CPNE8: variants seen among roughly 807,000 people sequenced by gnomAD.
CPNE8 encodes copine-8.
CPNE8 carries 45 observed loss-of-function variants against 81.5 expected under a neutral mutation model. The observed-to-expected ratio is 0.55, with a 90% confidence interval of 0.44 to 0.71. The LOEUF is 0.71. Ranked by LOEUF, CPNE8 falls within the 30% of genes least tolerant of loss-of-function variation. The pLI is 0.00. For missense variants in CPNE8, 594 were observed against 672.1 expected, an observed-to-expected ratio of 0.88 and a Z score of 1.28; for synonymous variants, 252 against 226.3, an observed-to-expected ratio of 1.11 and a Z score of -1.02.
chr12:38,760,232 T>C (rs1244124421), intron 10 of CPNE8, among the ~76,000 whole-genome samples: 1 of 152,002 alleles, frequency 6.6e-6, no homozygotes, highest in Non-Finnish European at 1.5e-5. Flanking sequence ...TGGCTTAAGA[T>C]CATTTTACAA....
chr12:38,808,437 A>C (rs548182137), intron 6 of CPNE8, among the ~76,000 whole-genome samples: 2 of 152,232 alleles, frequency 1.3e-5, no homozygotes, highest in East Asian at 3.9e-4. Context: ...AAAAATGATG[A>C]GTTCATGTCT....
At chr12:38,889,524 A>G (rs907035102) in intron 1 of CPNE8, among the ~76,000 whole-genome samples, 1 of 152,164 alleles carries the variant, frequency 6.6e-6, no homozygotes, top group Non-Finnish European at 1.5e-5. Flanking sequence ...GGACATAGAG[A>G]GAAAGAGATG....
At chr12:38,899,379 C>G (rs1944429222) in intron 1 of CPNE8, among the ~76,000 whole-genome samples, 1 of 152,132 alleles carries the variant, frequency 6.6e-6, no homozygotes, top group Admixed American at 6.6e-5. Context: ...CAGCCTGTAA[C>G]CTGAAAAAAA....
intron 10 of CPNE8, among the ~76,000 whole-genome samples, chr12:38,735,483 T>A (rs1940932389): frequency 6.6e-6 from 1 of 151,974 alleles, no homozygotes; most frequent in South Asian, 2.1e-4. Context: ...GCCATCTTCA[T>A]AGGTCCAGAT....
chr12:38,832,262 G>C (rs766415576), intron 5 of CPNE8, among the ~76,000 whole-genome samples: 52 of 152,088 alleles, frequency 3.4e-4, no homozygotes, highest in African/African-American at 1.2e-3. Flanking sequence ...CACGGGAAAG[G>C]GTGTGTGGCT....
chr12:38,751,326 T>G (rs1404179169), intron 10 of CPNE8, among the ~76,000 whole-genome samples: 1 of 152,220 alleles, frequency 6.6e-6, no homozygotes, highest in Non-Finnish European at 1.5e-5. Flanking sequence ...AATATTCGCC[T>G]TTTTTAAAAA....
At chr12:38,785,368 A>G (rs1942158885) in intron 6 of CPNE8, among the ~76,000 whole-genome samples, 1 of 152,030 alleles carries the variant, frequency 6.6e-6, no homozygotes, top group African/African-American at 2.4e-5. Context: ...AAAAAAAAAA[A>G]ACATGATATG....
At chr12:38,751,021 G>C (rs1225105111) in intron 10 of CPNE8, among the ~76,000 whole-genome samples, 2 of 152,142 alleles carry the variant, frequency 1.3e-5, no homozygotes, top group Non-Finnish European at 2.9e-5. Flanking sequence ...TATTAAATAA[G>C]TCTTATGAGA....
chr12:38,803,602 C>G (rs1455727293), intron 6 of CPNE8, among the ~76,000 whole-genome samples: 4 of 142,094 alleles, frequency 2.8e-5, no homozygotes, highest in Non-Finnish European at 4.6e-5. Flanking sequence ...TGGCACAAGA[C>G]AGGGATGCCC....
chr12:38,809,383 T>A (rs1533917), intron 6 of CPNE8, among the ~76,000 whole-genome samples: 134,069 of 151,824 alleles, frequency 0.88, 59,412 homozygotes, highest in Non-Finnish European at 0.92. Context: ...TAACTTTCTC[T>A]TGCATTGCAT....
intron 19 of CPNE8, among the ~76,000 whole-genome samples, chr12:38,658,694 G>A (rs1174266224): frequency 1.3e-5 from 2 of 152,168 alleles, no homozygotes; most frequent in Non-Finnish European, 2.9e-5. Flanking sequence ...GAGTAACAGT[G>A]GATCTCTCAG....
chr12:38,792,826 A>G (rs887414087), intron 6 of CPNE8, among the ~76,000 whole-genome samples: 1 of 151,936 alleles, frequency 6.6e-6, no homozygotes, highest in African/African-American at 2.4e-5. Flanking sequence ...TTGATGCAAA[A>G]ATCCTCAACA....
chr12:38,762,905 C>G (rs1408775786), intron 8 of CPNE8, among the ~76,000 whole-genome samples: 1 of 152,208 alleles, frequency 6.6e-6, no homozygotes, highest in Non-Finnish European at 1.5e-5. Flanking sequence ...GTCGCCCAGG[C>G]TGGAGTGCAG....
chr12:38,795,902 A>AGATAGATAGAT (rs1565620261), intron 6 of CPNE8, among the ~76,000 whole-genome samples: 40 of 19,474 alleles, frequency 2.1e-3, no homozygotes, highest in African/African-American at 4.3e-3. Context: ...GATAGATAGA[A>AGATAGATAGAT]GATAGATAAT....
intron 10 of CPNE8, among the ~76,000 whole-genome samples, chr12:38,743,843 T>A (rs1271208676): frequency 2.6e-5 from 4 of 152,102 alleles, no homozygotes; most frequent in African/African-American, 4.8e-5. Flanking sequence ...ATCAAAAAAA[T>A]TTAAAATAAG....
At chr12:38,869,226 T>C (rs557311134) in intron 3 of CPNE8, among the ~76,000 whole-genome samples, 19 of 152,272 alleles carry the variant, frequency 1.2e-4, no homozygotes, top group Admixed American at 6.5e-4. Flanking sequence ...GCAAAGAATT[T>C]TACAGAATTT....
intron 10 of CPNE8, among the ~76,000 whole-genome samples, chr12:38,745,569 G>T (rs1941208560): frequency 6.6e-6 from 1 of 152,088 alleles, no homozygotes; most frequent in South Asian, 2.1e-4. Context: ...TTGAGACAGG[G>T]TCTCCCTCTG....
intron 1 of CPNE8, among the ~76,000 whole-genome samples, chr12:38,878,027 T>G (rs1469879773): frequency 6.6e-6 from 1 of 152,166 alleles, no homozygotes; most frequent in Non-Finnish European, 1.5e-5. Flanking sequence ...TCTTCCTCAC[T>G]GCTACACTCC....
intron 7 of CPNE8, among the ~76,000 whole-genome samples, chr12:38,775,456 TA>T (rs1390309691): frequency 6.6e-6 from 1 of 152,158 alleles, no homozygotes; most frequent in Non-Finnish European, 1.5e-5. Flanking sequence ...AAGCAGCAAC[TA>T]AAAGTAAAGA....
Sources: allele counts gnomAD v4.1 joint callset (sites outside exome capture counted in the v4.1 genomes callset), GRCh38; gene constraint gnomAD v4.1.1; transcripts MANE v1.5; gene names NCBI Gene and HGNC (gene_info 2026-07-23, HGNC 2026-07-21).